The following TMLHE variants were observed in gnomAD, a reference collection of about 807,000 sequenced individuals.
TMLHE encodes trimethyllysine dioxygenase, mitochondrial.
TMLHE carries 18 observed loss-of-function variants against 25.7 expected under a neutral mutation model. That is an observed-to-expected ratio of 0.70 (90% CI 0.48 to 1.04). The LOEUF is 1.04. Among genes scored for constraint, TMLHE ranks in the 50% least tolerant of loss-of-function variants. TMLHE has a pLI of 0.00. For synonymous variants in TMLHE, 105 were observed against 97.0 expected (o/e 1.08, Z -0.49); for missense variants, 236 against 259.0 (o/e 0.91, Z 0.61).
intron 1 of TMLHE, among the ~76,000 whole-genome samples, chrX:155,586,415 A>G (rs1222917381): frequency 9.0e-6 from 1 of 111,586 alleles, no homozygotes; most frequent in African/African-American, 3.3e-5. Context: ...GGCTACATGA[A>G]GAAAGTACAA....
intron 1 of TMLHE, among the ~76,000 whole-genome samples, chrX:155,581,070 A>C (rs2067624452): frequency 8.9e-6 from 1 of 111,952 alleles, no homozygotes; most frequent in South Asian, 3.7e-4. Flanking sequence ...CAAAGACAAA[A>C]ACCACATGAT....
At chrX:155,528,582 G>C (rs1486254899) in intron 2 of TMLHE, among the ~76,000 whole-genome samples, 1 of 111,845 alleles carries the variant, frequency 8.9e-6, no homozygotes, top group South Asian at 3.7e-4. Context: ...AGAACATACA[G>C]TATTTGGTTT....
rs915159676 is a variant in TMLHE, at chrX:155,582,544, C to T, written c.-2+30248G>A. On this transcript the variant is annotated intron_variant, in intron 1 of 7. Transcript: ENST00000334398. ...GAAGACACTTCTCAAAAGAAGACAT[C>T]TATGCAGCCAACAGACACATGAAAA... Among the ~76,000 whole-genome samples, 16 of 112,162 alleles carry T rather than the reference C, an allele frequency of 1.4e-4. 1 individual carries two copies. The East Asian group carries it at 4.5e-3, about 31-fold the overall frequency.
At chrX:155,557,136 G>A (rs1375476015) in intron 1 of TMLHE, among the ~76,000 whole-genome samples, 3 of 111,681 alleles carry the variant, frequency 2.7e-5, no homozygotes, top group Non-Finnish European at 3.8e-5. Flanking sequence ...GTCCTGAGAC[G>A]ATATACATCC....
chrX:155,612,567 ACT>A (rs1359199520), intron 1 of TMLHE: 1 of 112,715 alleles, frequency 8.9e-6, no homozygotes, highest in African/African-American at 3.2e-5. Flanking sequence ...CTCCGGGCAG[ACT>A]CTGTCGCGCA....
chrX:155,514,992 A>G (rs1402052390), intron 3 of TMLHE, among the ~76,000 whole-genome samples: 1 of 111,415 alleles, frequency 9.0e-6, no homozygotes, highest in Non-Finnish European at 1.9e-5. Flanking sequence ...CTATGTTGAC[A>G]ACTTGTCTCT....
At chrX:155,556,646 C>G (rs191441940) in intron 1 of TMLHE, among the ~76,000 whole-genome samples, 1 of 109,536 alleles carries the variant, frequency 9.1e-6, no homozygotes, top group South Asian at 4.1e-4. Flanking sequence ...AGGACGGAAG[C>G]GAAATTAAAA....
intron 1 of TMLHE, among the ~76,000 whole-genome samples, chrX:155,609,770 A>G (rs782326331): frequency 8.9e-6 from 1 of 112,372 alleles, no homozygotes; most frequent in South Asian, 3.7e-4. Flanking sequence ...TAACAAGCAA[A>G]TAAAAAGATG....
chrX:155,607,000 C>A (rs1205095185), intron 1 of TMLHE, among the ~76,000 whole-genome samples: 1 of 110,780 alleles, frequency 9.0e-6, no homozygotes, highest in Non-Finnish European at 1.9e-5. Flanking sequence ...CAGAAAAAAA[C>A]ACAGGTCCAG....
chrX:155,553,744 C>T (rs2067430001), intron 1 of TMLHE, among the ~76,000 whole-genome samples: 1 of 109,663 alleles, frequency 9.1e-6, no homozygotes, highest in Non-Finnish European at 1.9e-5. Context: ...TCTCTCCTTG[C>T]TTTGTTTTGT....
intron 1 of TMLHE, among the ~76,000 whole-genome samples, chrX:155,567,635 A>C (rs1569562184): frequency 1.6e-5 from 1 of 62,202 alleles, no homozygotes; most frequent in African/African-American, 3.6e-5. Context: ...CAAATTGAGA[A>C]GTATTAATTC....
At chrX:155,525,433 T>A (rs1163287945) in intron 2 of TMLHE, among the ~76,000 whole-genome samples, 1 of 112,155 alleles carries the variant, frequency 8.9e-6, no homozygotes, top group African/African-American at 3.2e-5. Context: ...TTAAACCTCT[T>A]TTCTTCATAA....
chrX:155,515,217 T>A (rs782434351), intron 3 of TMLHE, among the ~76,000 whole-genome samples: 110 of 110,841 alleles, frequency 9.9e-4, no homozygotes, highest in African/African-American at 3.6e-3. Flanking sequence ...ATAAATATAG[T>A]TTATGTAATT....
rs1349660610 is a variant in TMLHE, at chrX:155,573,527, T to G, written c.-1-28250A>C. ...TAAATCATGCTGCTATAAGGACCCA[T>G]GCACACGTATGTTTATTGCGGCACT... On this transcript the variant is annotated intron_variant, in intron 1 of 7. Coordinates refer to ENST00000334398, the MANE Select transcript of TMLHE (RefSeq NM_018196.4). Among the ~76,000 whole-genome samples, 9 of 56,467 alleles carry G rather than the reference T, an allele frequency of 1.6e-4. 2 individuals are homozygous for G. Among genetic ancestry groups the G allele is most frequent in the Admixed American group, 1.3e-3 (6 of 4,730 alleles). 49.0% of individuals were successfully genotyped at this position (56,467 alleles called of 115,157 possible). A position where few individuals can be genotyped will look rare whatever the true frequency, so the allele number is the denominator to read the frequency against.
At chrX:155,559,547 T>C (rs1449677790) in intron 1 of TMLHE, among the ~76,000 whole-genome samples, 4 of 111,816 alleles carry the variant, frequency 3.6e-5, no homozygotes, top group Admixed American at 9.5e-5. Context: ...GTCCAAAAAG[T>C]ATCAATCATA....
intron 1 of TMLHE, among the ~76,000 whole-genome samples, chrX:155,555,659 G>T (rs186994140): frequency 0.043 from 4,769 of 110,707 alleles, 184 homozygotes; most frequent in Non-Finnish European, 0.068. Context: ...TGTGTCTGTT[G>T]GCTGCATAAA....
At chrX:155,603,026 C>T (rs192304784) in intron 1 of TMLHE, among the ~76,000 whole-genome samples, 42 of 112,040 alleles carry the variant, frequency 3.7e-4, no homozygotes, top group Middle Eastern at 9.2e-3. Context: ...TCAGTGCAAT[C>T]GCTACCAAAA....
At chrX:155,579,625 G>A (rs781929418) in intron 1 of TMLHE, among the ~76,000 whole-genome samples, 1 of 111,597 alleles carries the variant, frequency 9.0e-6, no homozygotes, top group South Asian at 3.7e-4. Flanking sequence ...TGTCACTCTG[G>A]TAGTGAACAT....
At chrX:155,603,586 A>T (rs1009339367) in intron 1 of TMLHE, among the ~76,000 whole-genome samples, 1 of 112,092 alleles carries the variant, frequency 8.9e-6, no homozygotes, top group East Asian at 2.8e-4. Flanking sequence ...ATATAAACTA[A>T]TGGAACACAA....
Sources: gnomAD v4.1 joint callset for allele counts (sites outside exome capture counted in the v4.1 genomes callset) on GRCh38, gnomAD v4.1.1 for gene constraint, MANE v1.5 for transcripts, NCBI Gene and HGNC (gene_info 2026-07-23, HGNC 2026-07-21) for gene names.